Variants in PAPSS1 observed in about 807,000 individuals in gnomAD.
The protein encoded by PAPSS1 is bifunctional 3'-phosphoadenosine 5'-phosphosulfate synthase 1.
In PAPSS1, 50 loss-of-function variants were observed where a neutral mutation model predicts 72.0. That is an observed-to-expected ratio of 0.69 (90% CI 0.55 to 0.88). PAPSS1 has a LOEUF of 0.88. Among genes scored for constraint, PAPSS1 ranks in the 40% least tolerant of loss-of-function variants. PAPSS1 has a pLI of 0.00. For synonymous variants in PAPSS1, 261 were observed against 263.6 expected, an observed-to-expected ratio of 0.99 and a Z score of 0.09; for missense variants, 657 against 782.2, an observed-to-expected ratio of 0.84 and a Z score of 1.91.
At chr4:107,687,789 C>A (rs1285480899) in intron 3 of PAPSS1, among the ~76,000 whole-genome samples, 1 of 152,106 alleles carries the variant, frequency 6.6e-6, no homozygotes, top group Admixed American at 6.6e-5. Context: ...AAACCTGATT[C>A]TCCCTTTGCT....
chr4:107,660,281 T>C (rs1420246338), intron 5 of PAPSS1, among the ~76,000 whole-genome samples: 1 of 152,074 alleles, frequency 6.6e-6, no homozygotes, highest in East Asian at 1.9e-4. Flanking sequence ...CATTATCTAG[T>C]GGGAAAGAAT....
chr4:107,703,665 T>G (rs1265540395), intron 1 of PAPSS1, among the ~76,000 whole-genome samples: 1 of 152,212 alleles, frequency 6.6e-6, no homozygotes, highest in Non-Finnish European at 1.5e-5. Context: ...CAATTAAATA[T>G]AAATGCATGT....
intron 9 of PAPSS1, 28 bp downstream of exon 9, chr4:107,653,463 A>C (rs761329362): frequency 6.2e-7 from 1 of 1,601,952 alleles, no homozygotes; most frequent in Non-Finnish European, 8.5e-7. Context: ...AAGCCGGCCT[A>C]TATTAGGTAA....
intron 11 of PAPSS1, among the ~76,000 whole-genome samples, chr4:107,622,823 T>G (rs2110297004): frequency 6.6e-6 from 1 of 152,364 alleles, no homozygotes; most frequent in Non-Finnish European, 1.5e-5. Context: ...CCATCACACT[T>G]TTATACCTAC....
intron 10 of PAPSS1, among the ~76,000 whole-genome samples, chr4:107,639,608 C>A (rs1318222931): frequency 6.6e-6 from 1 of 152,140 alleles, no homozygotes; most frequent in Non-Finnish European, 1.5e-5. Context: ...TGTCATACTA[C>A]TCAATAAACT....
At position 107,634,659 on chromosome 4, in the gene PAPSS1, C is replaced by T. The variant is rs1157176364; in HGVS notation, c.1507-2799G>A. ...AATTTGGTTCATAGGGTTCCTAACT[C>T]ACATTGCTTAAATGTATTCCAAAGT... is the stretch of plus-strand genomic sequence containing the variant. On this transcript the variant is annotated intron_variant, in intron 10 of 11. Coordinates refer to ENST00000265174, the MANE Select transcript of PAPSS1 (RefSeq NM_005443.5). Among the ~76,000 whole-genome samples, 3 of 152,022 alleles carry T rather than the reference C, an allele frequency of 2.0e-5. No homozygotes were observed. In the East Asian group the frequency reaches 5.8e-4, roughly 29 times the overall value.
intron 10 of PAPSS1, among the ~76,000 whole-genome samples, chr4:107,636,546 T>C (rs911525680): frequency 6.6e-6 from 1 of 151,990 alleles, no homozygotes; most frequent in African/African-American, 2.4e-5. Flanking sequence ...ATGGGAAGTA[T>C]GAATTCTAAG....
At chr4:107,649,960 C>T (rs1288342445) in intron 9 of PAPSS1, among the ~76,000 whole-genome samples, 1 of 152,200 alleles carries the variant, frequency 6.6e-6, no homozygotes, top group Non-Finnish European at 1.5e-5. Context: ...AAATGTATCA[C>T]CTTGCAATCA....
intron 11 of PAPSS1, among the ~76,000 whole-genome samples, chr4:107,629,632 G>A (rs181858431): frequency 3.3e-5 from 5 of 152,238 alleles, no homozygotes; most frequent in Admixed American, 1.3e-4. Flanking sequence ...GTGGCTTTAC[G>A]AGCACAATCC....
intron 6 of PAPSS1, among the ~76,000 whole-genome samples, chr4:107,657,697 A>G (rs942627782): frequency 4.6e-5 from 7 of 151,988 alleles, no homozygotes; most frequent in African/African-American, 1.7e-4. Context: ...AGATCATGCC[A>G]CTGCACTCCA....
At chr4:107,661,442 T>C (rs986341205) in intron 5 of PAPSS1, among the ~76,000 whole-genome samples, 2 of 152,206 alleles carry the variant, frequency 1.3e-5, no homozygotes, top group African/African-American at 4.8e-5. Flanking sequence ...ACAGCCACAA[T>C]GTGTCTTTAG....
chr4:107,636,524 G>A (rs1326948956), intron 10 of PAPSS1, among the ~76,000 whole-genome samples: 2 of 152,092 alleles, frequency 1.3e-5, no homozygotes, highest in Admixed American at 6.6e-5. Flanking sequence ...AGGAAGACGA[G>A]GAATGAGAGT....
At chr4:107,692,673 G>T (rs1051006426) in intron 3 of PAPSS1, among the ~76,000 whole-genome samples, 1 of 151,946 alleles carries the variant, frequency 6.6e-6, no homozygotes, top group Admixed American at 6.6e-5. Context: ...CTATTACAAA[G>T]ATACATGCAT....
chr4:107,633,349 A>G (rs986352042), intron 10 of PAPSS1, among the ~76,000 whole-genome samples: 2 of 152,226 alleles, frequency 1.3e-5, no homozygotes, highest in African/African-American at 4.8e-5. Context: ...CACACAGTAA[A>G]TATACAAGAA....
At chr4:107,668,634 C>T (rs1026786940) in intron 5 of PAPSS1, among the ~76,000 whole-genome samples, 3 of 152,178 alleles carry the variant, frequency 2.0e-5, no homozygotes, top group Non-Finnish European at 4.4e-5. Flanking sequence ...CATCTTTCTC[C>T]GGTGCTGGAT....
intron 1 of PAPSS1, among the ~76,000 whole-genome samples, chr4:107,702,926 C>A (rs543779848): frequency 2.0e-5 from 3 of 152,108 alleles, no homozygotes; most frequent in South Asian, 2.1e-4. Flanking sequence ...TTTTGAGGAA[C>A]CTCCATATTG....
chr4:107,675,208 A>G (rs1727606211), intron 5 of PAPSS1, among the ~76,000 whole-genome samples: 1 of 152,246 alleles, frequency 6.6e-6, no homozygotes, highest in Non-Finnish European at 1.5e-5. Flanking sequence ...GGAAACAGAG[A>G]CACAAAAAAC....
At chr4:107,656,754 T>G (rs955970302) in intron 7 of PAPSS1, 142 bp downstream of exon 7, 7 of 628,086 alleles carry the variant, frequency 1.1e-5, no homozygotes, top group Non-Finnish European at 2.0e-5. Context: ...AAATAAAGTG[T>G]TCGGTACTGA....
chr4:107,703,589 T>G (rs1193380360), intron 1 of PAPSS1, among the ~76,000 whole-genome samples: 2 of 152,186 alleles, frequency 1.3e-5, no homozygotes, highest in African/African-American at 4.8e-5. Flanking sequence ...TATCCAGTTT[T>G]CCCAACACCA....
Sources: allele counts gnomAD v4.1 joint callset (sites outside exome capture counted in the v4.1 genomes callset), GRCh38; gene constraint gnomAD v4.1.1; transcripts MANE v1.5; gene names NCBI Gene and HGNC (gene_info 2026-07-23, HGNC 2026-07-21).